Variants in INO80D observed in about 807,000 individuals in gnomAD.
The protein encoded by INO80D is INO80 complex subunit D.
Under a neutral mutation model 87.6 loss-of-function variants are expected in INO80D, and 21 were observed. The ratio of observed to expected loss-of-function variants is 0.24; its 90% CI spans 0.17 to 0.35. INO80D has a LOEUF of 0.35. INO80D is among the 10% of genes least tolerant of loss of function. The pLI, the probability that INO80D is intolerant of heterozygous loss-of-function variation, is 1.00. For synonymous variants in INO80D, 440 were observed against 491.0 expected, an observed-to-expected ratio of 0.90 and a Z score of 1.37; for missense variants, 982 against 1,280.7, an observed-to-expected ratio of 0.77 and a Z score of 3.56.
chr2:206,050,932 G>A (rs1359356025), intron 4 of INO80D, among the ~76,000 whole-genome samples: 1 of 151,978 alleles, frequency 6.6e-6, no homozygotes, highest in African/African-American at 2.4e-5. Context: ...TCCCGCCACT[G>A]CACTACAGCC....
Position 206,056,418 on chromosome 2 carries a change from G to C in INO80D, c.744C>G (p.Thr248=), listed in dbSNP as rs1689522662. The change falls in exon 4 of 11, where the codon ACC becomes ACG. Residue 248 remains threonine (T), a synonymous_variant. Transcript: ENST00000403263. The stretch of plus-strand genomic sequence containing the variant: ...GCCGTGCTTGTGCTATAGTGTGTGT[G>C]GTGGGTGCCACTCCCTGCATTGGTA... ...TSLPMQGVAP[T]THTIAQARQL... 1 of 1,613,834 alleles carries C rather than the reference G, an allele frequency of 6.2e-7. No individual in the cohort carries two copies. The highest frequency in any genetic ancestry group is 1.3e-5 in the African/African-American group (1 of 74,914).
chr2:206,062,786 G>A lies in INO80D; in HGVS notation c.218+13C>T, dbSNP rs1451548828. The A allele has an allele frequency of 1.3e-6, 2 of 1,589,840 alleles. No individual in the cohort carries two copies. Among genetic ancestry groups the A allele is most frequent in the Admixed American group, 1.9e-5 (1 of 53,028 alleles). On this transcript the variant is annotated intron_variant, in intron 3 of 10. Transcript: ENST00000403263. This position sits in a 1 kb window ranked among gnomAD's most constrained non-coding sequence, Gnocchi z 4.6. The stretch of plus-strand genomic sequence containing the variant: ...AATGAAATCAAGGATTGATTCTCAT[G>A]ATTAGCCCTTACCTACGATCCTCTG...
intron 10 of INO80D, 62 bp downstream of exon 10, chr2:206,007,220 CTA>C: frequency 7.0e-7 from 1 of 1,426,090 alleles, no homozygotes; most frequent in Non-Finnish European, 9.8e-7. Flanking sequence ...TCTCAAAACA[CTA>C]TTTCTTTTCT....
rs11306784 is a variant in INO80D at position 205,994,874 on chromosome 2, C to CAAAAAAAAAAAAAAAAAAAAAAA, written c.*9493_*9494insTTTTTTTTTTTTTTTTTTTTTTT. On this transcript the variant is annotated 3_prime_UTR_variant, in exon 11 of 11. Coordinates refer to ENST00000403263, the MANE Select transcript of INO80D (RefSeq NM_017759.5). The stretch of plus-strand genomic sequence containing the variant: ...TCAAGCACATGCAACTTGGAACTCG[C>CAAAAAAAAAAAAAAAAAAAAAAA]AAAAAAAAAAAAAAAAGAAAGAAAG... The CAAAAAAAAAAAAAAAAAAAAAAA allele has an allele frequency of 1.0e-5, 1 of 98,428 alleles. No individual in the cohort carries two copies. Among genetic ancestry groups the CAAAAAAAAAAAAAAAAAAAAAAA allele is most frequent in the Admixed American group, 9.4e-5 (1 of 10,644 alleles). The allele number at this position is 98,428 out of a possible 1,614,324, so 6.1% of individuals were successfully genotyped here. A position where few individuals can be genotyped will look rare whatever the true frequency, so the allele number is the denominator to read the frequency against.
At position 206,056,918 on chromosome 2, in the gene INO80D, G is replaced by A; in HGVS notation, c.244C>T (p.Leu82Phe). 6.2e-7 allele frequency: 1 copy of A among 1,600,738 alleles called. No individual in the cohort carries two copies. The highest frequency in any genetic ancestry group is 8.5e-7 in the Non-Finnish European group (1 of 1,170,052). The change falls in exon 4 of 11, where the codon CTT becomes TTT. Residue 82 changes from leucine (L) to phenylalanine (F), a missense_variant. Transcript: ENST00000403263. Reference sequence around the variant, plus strand: ...CTCTCTTTTTTCGGGATAAAGCCAAGTACCTGCAAGTGGCTGTTGCAGTAC... The same window carrying A: ...CTCTCTTTTTTCGGGATAAAGCCAAATACCTGCAAGTGGCTGTTGCAGTAC... Reference protein sequence around the residue: ...RRYCNSHLQVLGFIPKKERKK... With the variant: ...RRYCNSHLQVFGFIPKKERKK...
intron 4 of INO80D, among the ~76,000 whole-genome samples, chr2:206,055,417 C>G (rs1027968107): frequency 2.0e-5 from 3 of 152,200 alleles, no homozygotes; most frequent in Non-Finnish European, 4.4e-5. Context: ...TATTTTCTCA[C>G]TCTTAAATCA....
rs1371108667 is a variant in INO80D at position 205,995,175 on chromosome 2, A to G, written c.*9193T>C. 1 of 152,204 alleles carries G rather than the reference A, an allele frequency of 6.6e-6. No individual in the cohort carries two copies. Among genetic ancestry groups the G allele is most frequent in the Non-Finnish European group, 1.5e-5 (1 of 68,020 alleles). 9.4% of individuals were successfully genotyped at this position (152,204 alleles called of 1,614,324 possible). ...CTAACGGAAATATTAGGATTGCTTTATAAGTGAAATAAACAGTCTGGTCTG... is the reference window on the plus strand; with the variant it reads ...CTAACGGAAATATTAGGATTGCTTTGTAAGTGAAATAAACAGTCTGGTCTG... On this transcript the variant is annotated 3_prime_UTR_variant, in exon 11 of 11. Transcript: ENST00000403263.
chr2:206,056,262 C>T lies in INO80D; in HGVS notation c.900G>A (p.Leu300=), dbSNP rs1575858593. 1.2e-6 allele frequency: 2 copies of T among 1,613,250 alleles called. No homozygotes were observed. Among genetic ancestry groups the T allele is most frequent in the Non-Finnish European group, 1.7e-6 (2 of 1,179,554 alleles). The stretch of plus-strand genomic sequence containing the variant: ...GGGTGCACAGTTTCACCAGTCTCTG[C>T]AGTCGGCTTATACATGAGAAGTGTG... ...FSPHFSCISR[L]QRLVKLCTQK... Residue 300 remains leucine, a synonymous_variant, in exon 4 of 11, where the codon CTG becomes CTA. Transcript: ENST00000403263.
At position 205,994,970 on chromosome 2, in the gene INO80D, C is replaced by T. The variant is rs1362207670; in HGVS notation, c.*9398G>A. 1 of 151,860 alleles carries T rather than the reference C, an allele frequency of 6.6e-6. No homozygotes were observed. Among genetic ancestry groups the T allele is most frequent in the Admixed American group, 6.6e-5 (1 of 15,244 alleles). 9.4% of individuals were successfully genotyped at this position (151,860 alleles called of 1,614,324 possible). A position where few individuals can be genotyped will look rare whatever the true frequency, so the allele number is the denominator to read the frequency against. On this transcript the variant is annotated 3_prime_UTR_variant, in exon 11 of 11. Transcript: ENST00000403263. ...TTAAGACAGCTTCATGAGAGAGCTG[C>T]CTTCTTTCAAATTTGAATTTTGAAC...
intron 5 of INO80D, 22 bp downstream of exon 5, chr2:206,046,481 TA>T: frequency 6.8e-7 from 1 of 1,470,952 alleles, no homozygotes. Context: ...AAAAAAAGAA[TA>T]AAAACAGAAC....
At chr2:206,011,153 T>C (rs966711393) in intron 8 of INO80D, among the ~76,000 whole-genome samples, 4 of 151,814 alleles carry the variant, frequency 2.6e-5, no homozygotes, top group Non-Finnish European at 5.9e-5. Context: ...TCTACTTGTA[T>C]TATGTCCACT....
intron 4 of INO80D, among the ~76,000 whole-genome samples, chr2:206,049,965 C>G (rs1689305998): frequency 6.6e-6 from 1 of 151,512 alleles, no homozygotes; most frequent in Non-Finnish European, 1.5e-5. Context: ...AACCCCATCT[C>G]TACTAAAAAT....
chr2:206,010,417 CTA>C (rs1362417246), intron 8 of INO80D, among the ~76,000 whole-genome samples: 2 of 152,140 alleles, frequency 1.3e-5, no homozygotes, highest in African/African-American at 2.4e-5. Flanking sequence ...ATATAAAAAT[CTA>C]TGTCTAAATA....
At chr2:206,016,962 T>C (rs991569672) in intron 8 of INO80D, among the ~76,000 whole-genome samples, 3 of 152,188 alleles carry the variant, frequency 2.0e-5, no homozygotes, top group Non-Finnish European at 4.4e-5. Context: ...GTCTCAGGTA[T>C]GTCTTTCCCA....
rs937250754 is a variant in INO80D, at chr2:206,001,191, T to C, written c.*3177A>G. 2.0e-5 allele frequency: 3 copies of C among 152,168 alleles called. No homozygotes were observed. Among genetic ancestry groups the C allele is most frequent in the African/African-American group, 7.2e-5 (3 of 41,446 alleles). The allele number at this position is 152,168 out of a possible 1,614,324, so 9.4% of individuals were successfully genotyped here. On this transcript the variant is annotated 3_prime_UTR_variant, in exon 11 of 11. Transcript: ENST00000403263. ...CTTAAGTACTTTAATTAAAATAATATTAATAATTATGTAGAGAGAGTAAAG... is the reference window on the plus strand; with the variant it reads ...CTTAAGTACTTTAATTAAAATAATACTAATAATTATGTAGAGAGAGTAAAG...
At chr2:206,044,860 G>A (rs1037726188) in intron 5 of INO80D, among the ~76,000 whole-genome samples, 9 of 152,132 alleles carry the variant, frequency 5.9e-5, no homozygotes, top group East Asian at 1.9e-4. Flanking sequence ...AAGCTGATAC[G>A]AATTACCATT....
At chr2:206,048,202 T>C (rs1049286832) in intron 4 of INO80D, among the ~76,000 whole-genome samples, 1 of 152,018 alleles carries the variant, frequency 6.6e-6, no homozygotes, top group African/African-American at 2.4e-5. Context: ...TGCTCCATTA[T>C]CTAAAACAAG....
At chr2:206,024,659 C>T (rs1688553893) in intron 6 of INO80D, among the ~76,000 whole-genome samples, 3 of 152,220 alleles carry the variant, frequency 2.0e-5, no homozygotes, top group South Asian at 2.1e-4. Context: ...AAGCAAAATA[C>T]ACAACACTAA....
chr2:206,049,394 T>C (rs1689286332), intron 4 of INO80D, among the ~76,000 whole-genome samples: 2 of 152,182 alleles, frequency 1.3e-5, no homozygotes. Flanking sequence ...CTTCAGTGTG[T>C]TGAAAGGTAA....
Sources: allele counts gnomAD v4.1 joint callset (sites outside exome capture counted in the v4.1 genomes callset), GRCh38; gene constraint gnomAD v4.1.1; non-coding constraint Gnocchi (gnomAD v3.1); transcripts MANE v1.5; gene names NCBI Gene and HGNC (gene_info 2026-07-23, HGNC 2026-07-21).